INVS: variants seen among roughly 807,000 people sequenced by gnomAD.
INVS encodes the protein inversion of embryo turning homolog.
In INVS, 86 loss-of-function variants were observed where a neutral mutation model predicts 108.8. The observed-to-expected ratio is 0.79, with a 90% CI of 0.66 to 0.95. The LOEUF (loss-of-function observed/expected upper bound fraction) is 0.95. Ranked by LOEUF, INVS falls within the 40% of genes least tolerant of loss-of-function variation. The probability of loss-of-function intolerance (pLI) is 0.00; values close to 1 mark genes in which losing one functional copy is unlikely to be tolerated. For synonymous variants in INVS, 455 were observed against 473.5 expected (o/e 0.96, Z 0.51); for missense variants, 1,169 against 1,297.4 (o/e 0.90, Z 1.52).
chr9:100,238,280 T>C (rs973637167), intron 5 of INVS, among the ~76,000 whole-genome samples: 2 of 152,208 alleles, frequency 1.3e-5, no homozygotes, highest in Admixed American at 1.3e-4. Context: ...TCTTTCAGCA[T>C]ATTATTTTGC....
Position 100,252,992 on chromosome 9 carries a change from G to A in INVS, c.1320G>A (p.Gln440=), listed in dbSNP as rs760093399. The A allele has an allele frequency of 6.2e-7, 1 of 1,613,952 alleles. No individual in the cohort carries two copies. The highest frequency in any genetic ancestry group is 8.5e-7 in the Non-Finnish European group (1 of 1,179,890). ...TGGGAGGAAATGCTGATGTTTGCCA[G>A]ATATTAATAGAAAATAAGATCAATC... ...AALGGNADVC[Q]ILIENKINPN... Residue 440 remains glutamine (Q), a synonymous_variant, in exon 10 of 17, where the codon CAG becomes CAA. Transcript: ENST00000262457.
chr9:100,147,454 CTG>C (rs1183170112), intron 3 of INVS, among the ~76,000 whole-genome samples: 3 of 152,198 alleles, frequency 2.0e-5, no homozygotes, highest in Non-Finnish European at 4.4e-5. Flanking sequence ...CAGATTAAAA[CTG>C]TGCTAAAATA....
intron 3 of INVS, among the ~76,000 whole-genome samples, chr9:100,173,050 T>C (rs1456675857): frequency 6.6e-6 from 1 of 152,150 alleles, no homozygotes; most frequent in Non-Finnish European, 1.5e-5. Flanking sequence ...ATGAAGATGA[T>C]TGAGATGGCC....
At chr9:100,268,165 G>C (rs1210027506) in intron 11 of INVS, among the ~76,000 whole-genome samples, 2 of 151,982 alleles carry the variant, frequency 1.3e-5, no homozygotes, top group African/African-American at 4.8e-5. Context: ...GACAGAGTAG[G>C]GCGTTCCCGA....
intron 5 of INVS, among the ~76,000 whole-genome samples, chr9:100,237,426 A>G (rs1192894337): frequency 6.6e-6 from 1 of 152,138 alleles, no homozygotes; most frequent in African/African-American, 2.4e-5. Flanking sequence ...TCCTGAAGCT[A>G]GCTCAGTGTC....
chr9:100,204,416 A>G (rs1830618445), intron 3 of INVS, among the ~76,000 whole-genome samples: 1 of 152,220 alleles, frequency 6.6e-6, no homozygotes, highest in Non-Finnish European at 1.5e-5. Flanking sequence ...GATGTTTTAA[A>G]TCGACTTAGA....
chr9:100,273,983 C>T (rs1158752932), intron 12 of INVS, among the ~76,000 whole-genome samples: 1 of 152,194 alleles, frequency 6.6e-6, no homozygotes, highest in Non-Finnish European at 1.5e-5. Flanking sequence ...CCCCCTGCCT[C>T]AAGGACTTCG....
In INVS at chr9:100,292,624, C is replaced by T. The variant is rs761619797; in HGVS notation, c.2367C>T (p.Ala789=). 2.5e-6 allele frequency: 4 copies of T among 1,614,144 alleles called. No homozygotes were observed. The highest frequency in any genetic ancestry group is 1.1e-5 in the South Asian group (1 of 91,084). The change falls in exon 14 of 17, where the codon GCC becomes GCT. Residue 789 remains alanine (A), a synonymous_variant. Transcript: ENST00000262457. ...ACACAGAACCCAAGGCCAAATGTGC[C>T]CCCCAGAAAAGGCGCACTCAAGAGC... ...RHDTEPKAKC[A]PQKRRTQELR...
At chr9:100,284,685 TAA>T in intron 13 of INVS, 82 bp downstream of exon 13, 1 of 1,424,216 alleles carries the variant, frequency 7.0e-7, no homozygotes, top group Non-Finnish European at 9.7e-7. Context: ...CAATTACACT[TAA>T]GATAATTGTT....
At chr9:100,193,542 T>C (rs1209313130) in intron 3 of INVS, among the ~76,000 whole-genome samples, 1 of 152,152 alleles carries the variant, frequency 6.6e-6, no homozygotes, top group Non-Finnish European at 1.5e-5. Context: ...TATTTACACA[T>C]CTTCAAAAGT....
chr9:100,231,614 T>G (rs1588108166), intron 5 of INVS, among the ~76,000 whole-genome samples: 1 of 151,934 alleles, frequency 6.6e-6, no homozygotes, highest in African/African-American at 2.4e-5. Flanking sequence ...TTTGGTTTTC[T>G]GTTCTTGTGT....
intron 3 of INVS, among the ~76,000 whole-genome samples, chr9:100,137,337 C>G (rs764322696): frequency 1.8e-4 from 27 of 152,134 alleles, no homozygotes; most frequent in Non-Finnish European, 2.9e-4. Context: ...TCCCCAGACC[C>G]TAACACCCTT....
intron 3 of INVS, among the ~76,000 whole-genome samples, chr9:100,142,343 G>C (rs907427985): frequency 2.0e-5 from 3 of 152,176 alleles, no homozygotes; most frequent in Non-Finnish European, 2.9e-5. Context: ...GGTAGTGGAG[G>C]GGGGCAGAGC....
At chr9:100,274,894 C>T (rs547104744) in intron 12 of INVS, among the ~76,000 whole-genome samples, 2 of 152,098 alleles carry the variant, frequency 1.3e-5, no homozygotes, top group Admixed American at 6.6e-5. Flanking sequence ...TACATCTTAC[C>T]CACAAGGGGG....
At position 100,252,451 on chromosome 9, in the gene INVS, G is replaced by A. The variant is rs765546333; in HGVS notation, c.1234+13G>A. ...ACACTCATTAAAGGTGGGCTAATAA[G>A]AGTACTCCTAATAAGTCTCTCTTAA... On this transcript the variant is annotated intron_variant, in intron 9 of 16. Transcript: ENST00000262457. The A allele has an allele frequency of 1.9e-5, 30 of 1,611,590 alleles. No individual in the cohort carries two copies. Among genetic ancestry groups the A allele is most frequent in the Non-Finnish European group, 2.4e-5 (28 of 1,177,790 alleles).
chr9:100,224,859 C>T (rs935064371), intron 3 of INVS, among the ~76,000 whole-genome samples: 1 of 151,808 alleles, frequency 6.6e-6, no homozygotes, highest in Non-Finnish European at 1.5e-5. Context: ...CGTGATCCCC[C>T]CACCTCAGCC....
chr9:100,205,558 C>A (rs948692403), intron 3 of INVS, among the ~76,000 whole-genome samples: 1 of 151,898 alleles, frequency 6.6e-6, no homozygotes, highest in African/African-American at 2.4e-5. Context: ...TAGAAATAAA[C>A]TTCATAGTAA....
intron 2 of INVS, among the ~76,000 whole-genome samples, chr9:100,108,455 C>T (rs1442836510): frequency 6.6e-6 from 1 of 152,032 alleles, no homozygotes; most frequent in Non-Finnish European, 1.5e-5. Context: ...TATATTTGTG[C>T]AAAAATAATA....
chr9:100,284,511 G>A lies in INVS; in HGVS notation c.1976G>A (p.Arg659Lys), dbSNP rs201738845. Residue 659 changes from arginine to lysine, a missense_variant, in exon 13 of 17, where the codon AGA (arginine) becomes AAA (lysine). Physicochemically the swap from Arg to Lys is conservative, Grantham distance 26. Around this residue, in one of 3 missense-constraint regions of INVS, gnomAD observed 533 missense variants for 536.0 expected, o/e 0.99. Transcript: ENST00000262457. ...CAAGGCCCTGAGCCAAGAGACAGCA[G>A]AGGATCTCCAGGAGGGTCTCTAGGC... ...VAQGPEPRDS[R>K]GSPGGSLGGA... 3.3e-5 allele frequency: 53 copies of A among 1,614,004 alleles called. No homozygotes were observed. Among genetic ancestry groups the A allele is most frequent in the Non-Finnish European group, 4.5e-5 (53 of 1,179,996 alleles).
Sources: allele counts gnomAD v4.1 joint callset (sites outside exome capture counted in the v4.1 genomes callset), GRCh38; gene constraint gnomAD v4.1.1; regional missense constraint gnomAD v4.1.1; transcripts MANE v1.5; gene names NCBI Gene and HGNC (gene_info 2026-07-23, HGNC 2026-07-21).